The following GUCY2C variants were observed in gnomAD, a reference collection of about 807,000 sequenced individuals.
GUCY2C encodes guanylate cyclase 2C.
A neutral mutation model predicts 131.1 loss-of-function variants in GUCY2C; 118 were observed. The observed-to-expected ratio is 0.90, with a 90% CI of 0.78 to 1.05. GUCY2C has a LOEUF of 1.05. GUCY2C is among the 50% of genes least tolerant of loss of function. The pLI, the probability that GUCY2C is intolerant of heterozygous loss-of-function variation, is 0.00. For missense variants in GUCY2C, 1,161 were observed against 1,304.4 expected, an observed-to-expected ratio of 0.89 and a Z score of 1.69; for synonymous variants, 452 against 457.8, an observed-to-expected ratio of 0.99 and a Z score of 0.16.
chr12:14,616,565 G>T, intron 25 of GUCY2C, 68 bp downstream of exon 25: 3 of 858,556 alleles, frequency 3.5e-6, no homozygotes, highest in Non-Finnish European at 6.1e-6. Flanking sequence ...TCCTGGCCAA[G>T]TCTCAAAGGA....
intron 10 of GUCY2C, among the ~76,000 whole-genome samples, chr12:14,666,213 G>A (rs536711741): frequency 7.9e-5 from 12 of 152,116 alleles, no homozygotes; most frequent in Non-Finnish European, 1.6e-4. Flanking sequence ...CCTGGCTGGC[G>A]CCATGACACC....
intron 2 of GUCY2C, 133 bp downstream of exon 2, chr12:14,687,818 T>TA: frequency 1.6e-6 from 1 of 629,008 alleles, no homozygotes; most frequent in South Asian, 1.8e-5. Flanking sequence ...TCCTGCCTGG[T>TA]ACTCGGCCAC....
At chr12:14,685,950 G>T (rs1464836299) in intron 3 of GUCY2C, among the ~76,000 whole-genome samples, 1 of 152,118 alleles carries the variant, frequency 6.6e-6, no homozygotes, top group Non-Finnish European at 1.5e-5. Flanking sequence ...CTCAAGGTCA[G>T]ATGTTAATGA....
chr12:14,635,350 T>A (rs535772273), intron 19 of GUCY2C, among the ~76,000 whole-genome samples: 535 of 152,240 alleles, frequency 3.5e-3, no homozygotes, highest in Middle Eastern at 0.014. Flanking sequence ...CTAAACAACA[T>A]GCTTCTGAAT....
intron 1 of GUCY2C, among the ~76,000 whole-genome samples, chr12:14,688,589 C>G (rs1948520002): frequency 6.6e-6 from 1 of 152,212 alleles, no homozygotes; most frequent in Non-Finnish European, 1.5e-5. Context: ...TGATCTTTAT[C>G]TATCCAGTCA....
intron 12 of GUCY2C, among the ~76,000 whole-genome samples, chr12:14,653,383 T>G (rs1223267586): frequency 6.6e-6 from 1 of 152,172 alleles, no homozygotes; most frequent in Non-Finnish European, 1.5e-5. Flanking sequence ...AGTTGCACAC[T>G]CATGCCTAAA....
Position 14,679,754 on chromosome 12 carries a change from C to T in GUCY2C, c.734-1G>A. On this transcript the variant is annotated splice_acceptor_variant, in intron 5 of 26. Coordinates refer to ENST00000261170, the MANE Select transcript of GUCY2C (RefSeq NM_004963.4). LOFTEE classifies it high-confidence loss of function. ...TCTGGACCACCACACATAATAATCA[C>T]TGGAGGAGAAGGTAAGACAAGGAGA... 1 of 1,508,430 alleles carries T rather than the reference C, an allele frequency of 6.6e-7. No individual in the cohort carries two copies. Among genetic ancestry groups the T allele is most frequent in the South Asian group, 1.1e-5 (1 of 88,844 alleles). The allele number at this position is 1,508,430 out of a possible 1,614,324, so 93.4% of individuals were successfully genotyped here. A position where few individuals can be genotyped will look rare whatever the true frequency, so the allele number is the denominator to read the frequency against.
chr12:14,676,836 C>T lies in GUCY2C; in HGVS notation c.948+18G>A, dbSNP rs1344469466. The T allele has an allele frequency of 3.5e-6, 3 of 862,922 alleles. No individual in the cohort carries two copies. The highest frequency in any genetic ancestry group is 4.6e-5 in the South Asian group (2 of 43,100). 53.5% of individuals were successfully genotyped at this position (862,922 alleles called of 1,614,324 possible). On this transcript the variant is annotated intron_variant, in intron 7 of 26. Coordinates refer to ENST00000261170, the MANE Select transcript of GUCY2C (RefSeq NM_004963.4). ...TAATAATATATAATTTATACTATAA[C>T]ATAAAATAATAGCTTACTGGTGATA...
chr12:14,639,753 C>T (rs747045332), intron 19 of GUCY2C, 109 bp downstream of exon 19: 14 of 714,138 alleles, frequency 2.0e-5, no homozygotes, highest in Non-Finnish European at 3.4e-5. Context: ...TGATTTCAGA[C>T]TTCTAGTCTC....
chr12:14,696,209 A>G (rs759356904), intron 1 of GUCY2C, 23 bp downstream of exon 1: 5 of 1,564,138 alleles, frequency 3.2e-6, no homozygotes, highest in Non-Finnish European at 4.4e-6. Flanking sequence ...GAGTGGAGGA[A>G]GATTCTATTA....
intron 7 of GUCY2C, 89 bp from the exon 8 acceptor site, chr12:14,674,849 G>A (rs1444117293): frequency 9.9e-7 from 1 of 1,006,634 alleles, no homozygotes; most frequent in African/African-American, 1.6e-5. Flanking sequence ...GATCAGCAGG[G>A]TTACTGGAAA....
At position 14,681,416 on chromosome 12, in the gene GUCY2C, C is replaced by A. The variant is rs753250786; in HGVS notation, c.673G>T (p.Val225Leu). ...YFSHELGFKV[V>L]LRQDKEFQDI... ...TGAAACTCCTTATCTTGTCTTAACA[C>A]CACCTTAAAGCCGAGTTCGTGGGAG... The change falls in exon 5 of 27, where the codon GTG (valine) becomes TTG (leucine). Residue 225 changes from valine to leucine, a missense_variant. Val to Leu is a conservative substitution (Grantham distance 32, BLOSUM62 1). Transcript: ENST00000261170. The A allele has an allele frequency of 3.1e-6, 5 of 1,611,808 alleles. No individual in the cohort carries two copies. The highest frequency in any genetic ancestry group is 4.2e-6 in the Non-Finnish European group (5 of 1,178,148).
intron 9 of GUCY2C, among the ~76,000 whole-genome samples, chr12:14,671,135 A>T (rs1245969842): frequency 6.6e-6 from 1 of 151,818 alleles, no homozygotes; most frequent in African/African-American, 2.4e-5. Flanking sequence ...GACACAGCCA[A>T]ACTATATCAG....
intron 6 of GUCY2C, among the ~76,000 whole-genome samples, chr12:14,678,831 C>G (rs540717408): frequency 6.6e-6 from 1 of 152,100 alleles, no homozygotes; most frequent in African/African-American, 2.4e-5. Context: ...TAACTTGACT[C>G]AAATATTACT....
Position 14,645,230 on chromosome 12 carries a change from T to A in GUCY2C, c.1796A>T (p.Lys599Met). ...FKISVLYDIA[K>M]GMSYLHSSKT... ...TTTCTGTGTGTGTGTTTCTCTTACCTTAGCAATGTCATACAAGACAGAGAT... is the reference window on the plus strand; with the variant it reads ...TTTCTGTGTGTGTGTTTCTCTTACCATAGCAATGTCATACAAGACAGAGAT... Residue 599 changes from lysine (K) to methionine (M), a missense_variant and splice_region_variant, in exon 16 of 27, where the codon AAG becomes ATG. Coordinates refer to ENST00000261170, the MANE Select transcript of GUCY2C (RefSeq NM_004963.4). 1 of 1,489,500 alleles carries A rather than the reference T, an allele frequency of 6.7e-7. No homozygotes were observed. The highest frequency in any genetic ancestry group is 1.1e-5 in the South Asian group (1 of 87,326). The allele number at this position is 1,489,500 out of a possible 1,614,324, so 92.3% of individuals were successfully genotyped here.
At chr12:14,619,122 T>G (rs1263670518) in intron 24 of GUCY2C, 89 bp downstream of exon 24, 1 of 719,436 alleles carries the variant, frequency 1.4e-6, no homozygotes, top group Non-Finnish European at 2.5e-6. Flanking sequence ...TGGCACTTTG[T>G]ATCTCCTTAT....
intron 15 of GUCY2C, among the ~76,000 whole-genome samples, chr12:14,648,035 A>G (rs1307204931): frequency 6.6e-6 from 1 of 151,982 alleles, no homozygotes; most frequent in East Asian, 1.9e-4. Context: ...ATCTCAGCTC[A>G]TTGCAACCTC....
At chr12:14,654,935 A>C (rs7976459) in intron 12 of GUCY2C, among the ~76,000 whole-genome samples, 10 of 152,354 alleles carry the variant, frequency 6.6e-5, no homozygotes, top group Admixed American at 5.2e-4. Context: ...TAGTATACAG[A>C]CAAACTGAAA....
At chr12:14,631,291 T>A (rs2137000713) in intron 19 of GUCY2C, among the ~76,000 whole-genome samples, 1 of 152,278 alleles carries the variant, frequency 6.6e-6, no homozygotes, top group South Asian at 2.1e-4. Context: ...GCAGGTTAGT[T>A]ACATATGTAT....
Sources: allele counts gnomAD v4.1 joint callset (sites outside exome capture counted in the v4.1 genomes callset), GRCh38; gene constraint gnomAD v4.1.1; transcripts MANE v1.5; gene names NCBI Gene and HGNC (gene_info 2026-07-23, HGNC 2026-07-21).